LAMA4: variants seen among roughly 807,000 people sequenced by gnomAD.
LAMA4 encodes the protein laminin subunit alpha-4.
LAMA4 carries 127 observed loss-of-function variants against 207.1 expected under a neutral mutation model. The observed-to-expected ratio is 0.61, with a 90% CI of 0.53 to 0.71. The LOEUF (loss-of-function observed/expected upper bound fraction) is 0.71, where lower values mean the gene tolerates loss of function less well. LAMA4 is among the 30% of genes least tolerant of loss of function. LAMA4 has a pLI of 0.00. For synonymous variants in LAMA4, 761 were observed against 816.0 expected, an observed-to-expected ratio of 0.93 and a Z score of 1.15; for missense variants, 2,093 against 2,246.5, an observed-to-expected ratio of 0.93 and a Z score of 1.38.
Position 112,148,237 on chromosome 6 carries a change from T to C in LAMA4, c.2273A>G (p.Asn758Ser), listed in dbSNP as rs782467767. 5.0e-6 allele frequency: 8 copies of C among 1,614,218 alleles called. No homozygotes were observed. Among genetic ancestry groups the C allele is most frequent in the Admixed American group, 1.7e-5 (1 of 60,028 alleles). The change falls in exon 18 of 39, where the codon AAT (asparagine) becomes AGT (serine). Residue 758 changes from asparagine to serine, a missense_variant. Transcript: ENST00000230538. ...VQQATAPMAN[N>S]LTNWSQNLQH... ...AAGATTCTGTGACCAGTTGGTTAGA[T>C]TGTTGGCCATGGGGGCAGTGGCCTG...
chr6:112,216,241 G>C (rs1554358614), intron 3 of LAMA4, 127 bp downstream of exon 3: 1 of 725,754 alleles, frequency 1.4e-6, no homozygotes. Flanking sequence ...AAAGCTGAAG[G>C]GTGAACAAAA....
At chr6:112,133,968 G>A (rs143174991) in intron 26 of LAMA4, among the ~76,000 whole-genome samples, 35 of 152,252 alleles carry the variant, frequency 2.3e-4, no homozygotes, top group African/African-American at 7.5e-4. Flanking sequence ...ATTAATCCAC[G>A]TCATTAATGA....
chr6:112,205,757 C>A (rs1469062410), intron 4 of LAMA4, among the ~76,000 whole-genome samples: 1 of 152,072 alleles, frequency 6.6e-6, no homozygotes, highest in Non-Finnish European at 1.5e-5. Flanking sequence ...AGAGGCACCA[C>A]CGAGGAACCA....
chr6:112,202,640 G>GA (rs1195890139), intron 4 of LAMA4, among the ~76,000 whole-genome samples: 12 of 152,046 alleles, frequency 7.9e-5, no homozygotes, highest in Non-Finnish European at 1.5e-4. Flanking sequence ...AAATCAGTCA[G>GA]AAAACAATAT....
At chr6:112,122,333 G>A (rs1403407243) in intron 31 of LAMA4, 132 bp from the exon 32 acceptor site, 3 of 701,146 alleles carry the variant, frequency 4.3e-6, no homozygotes, top group Non-Finnish European at 7.3e-6. Context: ...GGAACATTAG[G>A]TCCCCTCTCT....
At chr6:112,184,436 T>TG (rs1782563538) in intron 9 of LAMA4, among the ~76,000 whole-genome samples, 1 of 152,208 alleles carries the variant, frequency 6.6e-6, no homozygotes, top group Non-Finnish European at 1.5e-5. Context: ...ATTAGGCTGT[T>TG]GCGGAGTGCG....
At chr6:112,241,150 A>AAG (rs1786434127) in intron 2 of LAMA4, among the ~76,000 whole-genome samples, 1 of 60,682 alleles carries the variant, frequency 1.6e-5, no homozygotes. Context: ...TATATATATG[A>AAG]ATATATATAT....
chr6:112,226,141 T>C (rs1785197552), intron 2 of LAMA4, among the ~76,000 whole-genome samples: 1 of 152,142 alleles, frequency 6.6e-6, no homozygotes, highest in South Asian at 2.1e-4. Context: ...TTCTCTCCAC[T>C]CTACTCTCTC....
intron 11 of LAMA4, 144 bp from the exon 12 acceptor site, chr6:112,172,948 C>G: frequency 1.5e-6 from 1 of 676,796 alleles, no homozygotes; most frequent in Non-Finnish European, 2.6e-6. Context: ...AAATTAGCTC[C>G]ACCTTTTAGA....
Position 112,109,321 on chromosome 6 carries a change from G to T in LAMA4, c.*116C>A, listed in dbSNP as rs1777568509. 1 of 1,128,478 alleles carries T rather than the reference G, an allele frequency of 8.9e-7. No homozygotes were observed. The highest frequency in any genetic ancestry group is 1.3e-5 in the South Asian group (1 of 75,940). 69.9% of individuals were successfully genotyped at this position (1,128,478 alleles called of 1,614,324 possible). ...GTCCCTGATGATTCGTTTAAGTCCT[G>T]TTCAACTCGATGAAAGCTTCCACCC... is the stretch of plus-strand genomic sequence containing the variant. On this transcript the variant is annotated 3_prime_UTR_variant, in exon 39 of 39. Transcript: ENST00000230538.
At chr6:112,149,501 C>T (rs1201762216) in intron 17 of LAMA4, among the ~76,000 whole-genome samples, 1 of 152,054 alleles carries the variant, frequency 6.6e-6, no homozygotes. Context: ...CATGAGATCT[C>T]GTGGTTTTAT....
In LAMA4 at chr6:112,129,008, CATAAAG is replaced by C. The variant is rs1778865266; in HGVS notation, c.4195_4200del (p.Leu1399_Tyr1400del). ...AATGGTGAAGACTCAATGGGACACT[CATAAAG>C]AGAAGTGTGGACCTTTTCAGTATAC... On this transcript the variant is annotated inframe_deletion, in exon 31 of 39. Coordinates refer to ENST00000230538, the MANE Select transcript of LAMA4 (RefSeq NM_001105206.3). 1.9e-6 allele frequency: 3 copies of C among 1,612,150 alleles called. No individual in the cohort carries two copies. Among genetic ancestry groups the C allele is most frequent in the Non-Finnish European group, 2.5e-6 (3 of 1,178,284 alleles).
chr6:112,108,946 A>G lies in LAMA4; in HGVS notation c.*491T>C, dbSNP rs1777552380. ...TAAAATATTCTTCTTATACTGATAG[A>G]CCAAACAAAAGGGCTAAAAACAAAT... On this transcript the variant is annotated 3_prime_UTR_variant, in exon 39 of 39. Transcript: ENST00000230538. The G allele has an allele frequency of 5.9e-6, 1 of 169,572 alleles. No homozygotes were observed. The highest frequency in any genetic ancestry group is 1.5e-4 in the South Asian group (1 of 6,658). 10.5% of individuals were successfully genotyped at this position (169,572 alleles called of 1,614,324 possible).
Position 112,129,039 on chromosome 6 carries a change from C to T in LAMA4, c.4170G>A (p.Arg1390=), listed in dbSNP as rs1554328643. 6.8e-6 allele frequency: 11 copies of T among 1,612,544 alleles called. No homozygotes were observed. The highest frequency in any genetic ancestry group is 1.7e-5 in the Admixed American group (1 of 59,962). Residue 1390 remains arginine (R), a synonymous_variant, in exon 31 of 39, where the codon CGG becomes CGA. Coordinates refer to ENST00000230538, the MANE Select transcript of LAMA4 (RefSeq NM_001105206.3). ...DRDVEVEDFQ[R]YTEKVHTSLY... ...GAGAAGTGTGGACCTTTTCAGTATA[C>T]CGTTGGAAATCTTCAACCTCCACAT...
chr6:112,122,254 G>T (rs1778408123), intron 31 of LAMA4, 53 bp from the exon 32 acceptor site: 30 of 1,367,802 alleles, frequency 2.2e-5, no homozygotes, highest in Non-Finnish European at 3.1e-5. Flanking sequence ...GCAGCAAAAA[G>T]TAATTTGTGA....
At chr6:112,139,438 A>G in intron 23 of LAMA4, 147 bp from the exon 24 acceptor site, 1 of 868,448 alleles carries the variant, frequency 1.2e-6, no homozygotes, top group Non-Finnish European at 1.9e-6. Context: ...AGAGATAAAG[A>G]GGTATTTGTA....
At chr6:112,190,094 C>T (rs1554348065) in intron 6 of LAMA4, among the ~76,000 whole-genome samples, 1 of 152,192 alleles carries the variant, frequency 6.6e-6, no homozygotes, top group East Asian at 1.9e-4. Context: ...TAATGTTCCA[C>T]AAAATGCAGA....
At chr6:112,165,831 A>G (rs1781352917) in intron 12 of LAMA4, among the ~76,000 whole-genome samples, 1 of 152,232 alleles carries the variant, frequency 6.6e-6, no homozygotes, top group South Asian at 2.1e-4. Flanking sequence ...GTAAATGCTC[A>G]GATGTTTTGA....
chr6:112,110,531 A>C (rs1777633549), intron 38 of LAMA4, among the ~76,000 whole-genome samples: 1 of 152,240 alleles, frequency 6.6e-6, no homozygotes, highest in Non-Finnish European at 1.5e-5. Flanking sequence ...TCATGGAAAT[A>C]GCATTTTATA....
Sources: gnomAD v4.1 joint callset for allele counts (sites outside exome capture counted in the v4.1 genomes callset) on GRCh38, gnomAD v4.1.1 for gene constraint, MANE v1.5 for transcripts, NCBI Gene and HGNC (gene_info 2026-07-23, HGNC 2026-07-21) for gene names.